ACTR3C: variants seen among roughly 807,000 people sequenced by gnomAD.
ACTR3C encodes actin related protein 3C.
A neutral mutation model predicts 26.3 loss-of-function variants in ACTR3C; 18 were observed. The ratio of observed to expected loss-of-function variants is 0.68; its 90% CI spans 0.47 to 1.01. The LOEUF is 1.01. Among genes scored for constraint, ACTR3C ranks in the 50% least tolerant of loss-of-function variants. The pLI is 0.00. For synonymous variants in ACTR3C, 55 were observed against 94.5 expected, an observed-to-expected ratio of 0.58 and a Z score of 2.42; for missense variants, 184 against 250.7, an observed-to-expected ratio of 0.73 and a Z score of 1.80.
chr7:150,297,016 G>A (rs1202743679), intron 1 of ACTR3C, among the ~76,000 whole-genome samples: 1 of 152,220 alleles, frequency 6.6e-6, no homozygotes, highest in African/African-American at 2.4e-5. Context: ...CGAACTGTCT[G>A]CTGTTTAAGC....
the ACTR3C span, among the ~76,000 whole-genome samples, chr7:150,104,619 GC>G: frequency 2.0e-5 from 3 of 151,378 alleles, no homozygotes; most frequent in Admixed American, 2.0e-4. Flanking sequence ...AAACCTGAGG[GC>G]CTACTGGGTG....
chr7:150,057,929 G>C, the ACTR3C span, among the ~76,000 whole-genome samples: 2 of 152,130 alleles, frequency 1.3e-5, no homozygotes, highest in African/African-American at 4.8e-5. Context: ...GGTCTTTGAG[G>C]AAAAATAATC....
chr7:150,266,692 T>C (rs111388437), intron 6 of ACTR3C, among the ~76,000 whole-genome samples: 18,995 of 152,194 alleles, frequency 0.12, 2,025 homozygotes, highest in African/African-American at 0.27. Flanking sequence ...AATTTGTATC[T>C]AGGATATCTG....
chr7:150,153,238 A>G, the ACTR3C span, among the ~76,000 whole-genome samples: 2 of 152,210 alleles, frequency 1.3e-5, no homozygotes, highest in Non-Finnish European at 2.9e-5. Flanking sequence ...TAATGAAACT[A>G]AACAGCTTCT....
the ACTR3C span, among the ~76,000 whole-genome samples, chr7:150,061,332 G>T: frequency 6.7e-6 from 1 of 149,008 alleles, no homozygotes; most frequent in East Asian, 2.0e-4. Context: ...GGAATTTTCT[G>T]ATCTTTGAAA....
At position 150,286,356 on chromosome 7, in the gene ACTR3C, A is replaced by G. The variant is rs1835768815; in HGVS notation, c.471+11T>C. On this transcript the variant is annotated intron_variant, in intron 5 of 7. Coordinates refer to ENST00000683684, the MANE Select transcript of ACTR3C (RefSeq NM_001164458.2). Reference sequence around the variant, plus strand: ...CCCACACTTGAGCACACAAAAAAAGAAACACCTTACCTCCGGGTGAAAGAA... The same window carrying G: ...CCCACACTTGAGCACACAAAAAAAGGAACACCTTACCTCCGGGTGAAAGAA... The G allele has an allele frequency of 6.2e-7, 1 of 1,613,588 alleles. No individual in the cohort carries two copies. Among genetic ancestry groups the G allele is most frequent in the Non-Finnish European group, 8.5e-7 (1 of 1,179,750 alleles).
the ACTR3C span, among the ~76,000 whole-genome samples, chr7:150,108,989 G>C: frequency 1.1e-4 from 17 of 151,448 alleles, no homozygotes; most frequent in African/African-American, 3.9e-4. Context: ...CTAATGGACG[G>C]TGAATTACTC....
chr7:150,161,218 A>ATTTTTTTT, the ACTR3C span, among the ~76,000 whole-genome samples: 1 of 128,616 alleles, frequency 7.8e-6, no homozygotes, highest in African/African-American at 3.3e-5. Context: ...ATATATATAT[A>ATTTTTTTT]TATATATTTA....
At chr7:150,219,925 C>T in the ACTR3C span, among the ~76,000 whole-genome samples, 1 of 145,624 alleles carries the variant, frequency 6.9e-6, no homozygotes, top group South Asian at 2.1e-4. Flanking sequence ...TCGAAAGCCT[C>T]GCAATCATGG....
At chr7:150,147,342 A>G in the ACTR3C span, among the ~76,000 whole-genome samples, 1 of 152,222 alleles carries the variant, frequency 6.6e-6, no homozygotes, top group Non-Finnish European at 1.5e-5. Flanking sequence ...AAAGCAAAAT[A>G]TGAAGAAAAA....
chr7:150,246,758 A>C (rs1037680351), downstream of ACTR3C: 2 of 151,978 alleles, frequency 1.3e-5, no homozygotes, highest in Non-Finnish European at 2.9e-5. Context: ...AATACCACAA[A>C]ATTTTTGCTT....
At chr7:150,293,600 C>T (rs554891299) in intron 2 of ACTR3C, among the ~76,000 whole-genome samples, 181 bp from the exon 3 acceptor site, 12 of 152,160 alleles carry the variant, frequency 7.9e-5, no homozygotes, top group South Asian at 2.1e-4. Flanking sequence ...ACAACTAACA[C>T]GAAAATGTTG....
At chr7:150,035,433 T>G in the ACTR3C span, among the ~76,000 whole-genome samples, 1 of 68,812 alleles carries the variant, frequency 1.5e-5, no homozygotes, top group African/African-American at 5.0e-5. Flanking sequence ...TGGCTCTCAG[T>G]CCCTGACTCG....
At chr7:150,273,753 AC>A (rs1432096028) in intron 6 of ACTR3C, among the ~76,000 whole-genome samples, 1 of 150,790 alleles carries the variant, frequency 6.6e-6, no homozygotes, top group African/African-American at 2.5e-5. Flanking sequence ...CCCAACCTGT[AC>A]CCCCGCCCTC....
chr7:149,909,195 A>G, the ACTR3C span, among the ~76,000 whole-genome samples: 1,792 of 151,444 alleles, frequency 0.012, 29 homozygotes, highest in African/African-American at 0.041. Flanking sequence ...TTCTCTACCG[A>G]TTAAAACTTA....
At chr7:149,911,013 C>A in the ACTR3C span, among the ~76,000 whole-genome samples, 1 of 151,948 alleles carries the variant, frequency 6.6e-6, no homozygotes, top group African/African-American at 2.4e-5. Context: ...TCCAGCTCCA[C>A]AACTCAAGAG....
the ACTR3C span, among the ~76,000 whole-genome samples, chr7:149,931,281 G>A: frequency 4.3e-4 from 66 of 152,332 alleles, no homozygotes; most frequent in Admixed American, 8.5e-4. Flanking sequence ...TTCGGGGGAG[G>A]ATTGTTTCTG....
chr7:150,214,022 G>A, the ACTR3C span, among the ~76,000 whole-genome samples: 6 of 147,744 alleles, frequency 4.1e-5, no homozygotes, highest in Admixed American at 1.4e-4. Context: ...AGTCATGCAG[G>A]TGCTGAATGG....
the ACTR3C span, among the ~76,000 whole-genome samples, chr7:150,165,448 T>G: frequency 2.0e-5 from 3 of 151,696 alleles, no homozygotes; most frequent in Non-Finnish European, 2.9e-5. Flanking sequence ...TCTCTGAATT[T>G]TAATGCAGGA....
Sources: gnomAD v4.1 joint callset for allele counts (sites outside exome capture counted in the v4.1 genomes callset) on GRCh38, gnomAD v4.1.1 for gene constraint, MANE v1.5 for transcripts, NCBI Gene and HGNC (gene_info 2026-07-23, HGNC 2026-07-21) for gene names.